Variants in HMMR observed in about 807,000 individuals in gnomAD.
The protein encoded by HMMR is hyaluronan mediated motility receptor.
In HMMR, 108 loss-of-function variants were observed where a neutral mutation model predicts 101.0. The ratio of observed to expected loss-of-function variants is 1.07; its 90% CI spans 0.92 to 1.25. The LOEUF is 1.25. Among genes scored for constraint, HMMR ranks in the 50% most tolerant of loss-of-function variants. The pLI is 0.00. For missense variants in HMMR, 813 were observed against 788.7 expected, an observed-to-expected ratio of 1.03 and a Z score of -0.37; for synonymous variants, 296 against 276.4, an observed-to-expected ratio of 1.07 and a Z score of -0.70.
rs779849432 is a variant in HMMR, at chr5:163,473,269, G to A, written c.725+16G>A. 2 of 1,512,284 alleles carry A rather than the reference G, an allele frequency of 1.3e-6. No homozygotes were observed. The highest frequency in any genetic ancestry group is 1.4e-5 in the African/African-American group (1 of 71,972). 93.7% of individuals were successfully genotyped at this position (1,512,284 alleles called of 1,614,324 possible). ...AAGAAATTAGGTAATATGAGCAGTA[G>A]CTTTAAATTGAACCTTATTTTTTTA... On this transcript the variant is annotated intron_variant, in intron 8 of 17. Transcript: ENST00000393915.
rs556404322 is a variant in HMMR, at chr5:163,475,502, G to A, written c.1098G>A (p.Glu366=). 3.1e-6 allele frequency: 5 copies of A among 1,608,570 alleles called. No homozygotes were observed. The highest frequency in any genetic ancestry group is 4.5e-5 in the East Asian group (2 of 44,644). Residue 366 remains glutamate, a synonymous_variant, in exon 11 of 18, where the codon GAG becomes GAA. Coordinates refer to ENST00000393915, the MANE Select transcript of HMMR (RefSeq NM_001142556.2). ...SLHQKLCSFQ[E]EMVKEKNLFE... The stretch of plus-strand genomic sequence containing the variant: ...ATCAGAAGCTCTGTTCTTTTCAAGA[G>A]GAAATGGTTAAAGAGAAGAATCTGT...
rs970569997 is a variant in HMMR at position 163,490,537 on chromosome 5, A to G, written c.2110A>G (p.Thr704Ala). Residue 704 changes from threonine to alanine, a missense_variant, in exon 17 of 18, where the codon ACC (threonine) becomes GCC (alanine). Physicochemically the swap from Thr to Ala is moderately conservative, Grantham distance 58 (BLOSUM62 0). Coordinates refer to ENST00000393915, the MANE Select transcript of HMMR (RefSeq NM_001142556.2). Reference protein sequence around the residue: ...HESKENFALKTPLKEGNTNCY... With the variant: ...HESKENFALKAPLKEGNTNCY... ...AAGTAAAGAAAATTTTGCCCTGAAG[A>G]CCCCATTAAAAGAAGGTAAGACATG... The G allele has an allele frequency of 1.9e-6, 3 of 1,597,824 alleles. No individual in the cohort carries two copies. Among genetic ancestry groups the G allele is most frequent in the East Asian group, 2.2e-5 (1 of 44,700 alleles).
chr5:163,466,345 G>C (rs975837827), intron 3 of HMMR, among the ~76,000 whole-genome samples: 4 of 152,154 alleles, frequency 2.6e-5, no homozygotes, highest in African/African-American at 9.7e-5. Context: ...TTGGAAAAAG[G>C]CTTAGGTTGT....
Position 163,473,546 on chromosome 5 carries a change from A to T in HMMR, c.893A>T (p.Glu298Val). 1 of 1,563,172 alleles carries T rather than the reference A, an allele frequency of 6.4e-7. No individual in the cohort carries two copies. The highest frequency in any genetic ancestry group is 8.7e-7 in the Non-Finnish European group (1 of 1,149,330). The change falls in exon 9 of 18, where the codon GAA becomes GTA. Residue 298 changes from glutamate (E) to valine (V), a missense_variant. Glu to Val is a moderately radical substitution (Grantham distance 121, BLOSUM62 -2). Coordinates refer to ENST00000393915, the MANE Select transcript of HMMR (RefSeq NM_001142556.2). Reference protein sequence around the residue: ...EDLNVKCQLLEKEKEDHVNRN... With the variant: ...EDLNVKCQLLVKEKEDHVNRN... Reference sequence around the variant, plus strand: ...CTAAATGTGAAATGTCAGCTGCTTGAAAAAGAAAAAGGTATTACAGTGTTT... The same window carrying T: ...CTAAATGTGAAATGTCAGCTGCTTGTAAAAGAAAAAGGTATTACAGTGTTT...
At chr5:163,477,313 C>A (rs1345929623) in intron 11 of HMMR, among the ~76,000 whole-genome samples, 1 of 152,030 alleles carries the variant, frequency 6.6e-6, no homozygotes, top group Non-Finnish European at 1.5e-5. Context: ...TATTTAAATC[C>A]TTGGGATCTG....
At chr5:163,473,096 A>G (rs1758947111) in intron 7 of HMMR, 83 bp from the exon 8 acceptor site, 4 of 699,370 alleles carry the variant, frequency 5.7e-6, no homozygotes, top group Non-Finnish European at 1.0e-5. Flanking sequence ...TGCCTGATAC[A>G]GGAGTATCTG....
rs750153605 is a variant in HMMR, at chr5:163,469,817, A to G, written c.450A>G (p.Leu150=). The G allele has an allele frequency of 4.4e-6, 7 of 1,588,336 alleles. No homozygotes were observed. In the Admixed American group the frequency reaches 1.1e-4, roughly 24 times the overall value. The part of the protein sequence containing the change: ...QLIELTRTNE[L]LKSKFSENGN... ...TTGAATTGACCAGGACTAATGAACT[A>G]CTAAAATCTAAGGTATCTGAGCCTC... Residue 150 remains leucine, a synonymous_variant, in exon 5 of 18, where the codon CTA becomes CTG. Transcript: ENST00000393915.
rs758725617 is a variant in HMMR, at chr5:163,478,727, G to T, written c.1312G>T (p.Ala438Ser). The T allele has an allele frequency of 6.2e-7, 1 of 1,613,484 alleles. No homozygotes were observed. Among genetic ancestry groups the T allele is most frequent in the African/African-American group, 1.3e-5 (1 of 75,012 alleles). The change falls in exon 12 of 18, where the codon GCC (alanine) becomes TCC (serine). Residue 438 changes from alanine (A) to serine (S), a missense_variant. Ala to Ser is a moderately conservative substitution (Grantham distance 99). Coordinates refer to ENST00000393915, the MANE Select transcript of HMMR (RefSeq NM_001142556.2). Reference sequence around the variant, plus strand: ...GAAAAGTAGTGCTGCTCATACCCAGGCCACCCTGCTTTTGCAGGAAAAGTA... The same window carrying T: ...GAAAAGTAGTGCTGCTCATACCCAGTCCACCCTGCTTTTGCAGGAAAAGTA... ...LEKSSAAHTQ[A>S]TLLLQEKYDS... is the part of the protein sequence containing the mutation.
Position 163,463,882 on chromosome 5 carries a change from G to A in HMMR, c.73G>A (p.Asp25Asn). Reference sequence around the variant, plus strand: ...TTGTGCACCATCTCCAGGTGCTTATGATGTTAAAACTTTAGAAGTATTGAA... The same window carrying A: ...TTGTGCACCATCTCCAGGTGCTTATAATGTTAAAACTTTAGAAGTATTGAA... ...SGCAPSPGAY[D>N]VKTLEVLKGP... The change falls in exon 2 of 18, where the codon GAT becomes AAT. Residue 25 changes from aspartate to asparagine, a missense_variant. Coordinates refer to ENST00000393915, the MANE Select transcript of HMMR (RefSeq NM_001142556.2). The A allele has an allele frequency of 6.7e-7, 1 of 1,482,710 alleles. No individual in the cohort carries two copies. Among genetic ancestry groups the A allele is most frequent in the South Asian group, 1.4e-5 (1 of 72,038 alleles). The allele number at this position is 1,482,710 out of a possible 1,614,324, so 91.8% of individuals were successfully genotyped here.
intron 17 of HMMR, 63 bp downstream of exon 17, chr5:163,490,615 G>A (rs2113530167): frequency 1.6e-6 from 2 of 1,231,126 alleles, no homozygotes; most frequent in South Asian, 1.3e-5. Context: ...ATAGCATTTA[G>A]CAAGTCATCC....
At chr5:163,478,887 C>T in intron 12 of HMMR, 87 bp downstream of exon 12, 2 of 753,582 alleles carry the variant, frequency 2.7e-6, no homozygotes, top group Non-Finnish European at 4.8e-6. Flanking sequence ...AAAGCAGTCA[C>T]ACAAAGGATG....
intron 17 of HMMR, 126 bp downstream of exon 17, chr5:163,490,678 C>T (rs187346590): frequency 1.4e-6 from 1 of 719,188 alleles, no homozygotes; most frequent in African/African-American, 1.8e-5. Context: ...GCAGTTCTTA[C>T]TGAGATTGTT....
intron 11 of HMMR, among the ~76,000 whole-genome samples, chr5:163,476,790 G>A (rs1174155207): frequency 6.6e-6 from 1 of 152,174 alleles, no homozygotes; most frequent in East Asian, 1.9e-4. Context: ...ACCACTTTGG[G>A]AAGCCAAGGC....
At chr5:163,485,234 G>A (rs1759437197) in intron 16 of HMMR, among the ~76,000 whole-genome samples, 1 of 152,064 alleles carries the variant, frequency 6.6e-6, no homozygotes, top group Admixed American at 6.5e-5. Context: ...CGTTCAGGGT[G>A]GTATGGCCAT....
At chr5:163,461,774 C>T (rs1758543370) in intron 1 of HMMR, among the ~76,000 whole-genome samples, 1 of 151,748 alleles carries the variant, frequency 6.6e-6, no homozygotes, top group Non-Finnish European at 1.5e-5. Context: ...CAGAGCAAGA[C>T]TCTGTCTTAC....
intron 10 of HMMR, chr5:163,474,648 T>C (rs1005446658): frequency 1.6e-5 from 7 of 448,164 alleles, no homozygotes; most frequent in African/African-American, 1.4e-4. Context: ...GGAGAAGTTC[T>C]GGCCTGTAAA....
At chr5:163,466,697 CTT>C (rs574136902) in intron 3 of HMMR, among the ~76,000 whole-genome samples, 1 of 152,004 alleles carries the variant, frequency 6.6e-6, no homozygotes, top group Non-Finnish European at 1.5e-5. Flanking sequence ...ACTTTAAAGA[CTT>C]AGTACAAAAA....
intron 3 of HMMR, among the ~76,000 whole-genome samples, chr5:163,465,489 C>G (rs1313437486): frequency 6.6e-6 from 1 of 152,154 alleles, no homozygotes; most frequent in Non-Finnish European, 1.5e-5. Flanking sequence ...CACGCCCCAC[C>G]ACGCCCAGTT....
rs77433028 is a variant in HMMR at position 163,490,159 on chromosome 5, T to C, written c.1963-231T>C. Among the ~76,000 whole-genome samples the C allele has an allele frequency of 5.1e-3, 770 of 152,230 alleles. 4 individuals are homozygous for C. The highest frequency in any genetic ancestry group is 0.018 in the African/African-American group (730 of 41,542). ...TTGAGTTGAACTTTTATCAGAAAAA[T>C]AGCTTTGTAGCTGAGGAGGGGCAAG... On this transcript the variant is annotated intron_variant, in intron 16 of 17. Coordinates refer to ENST00000393915, the MANE Select transcript of HMMR (RefSeq NM_001142556.2).
Sources: gnomAD v4.1 joint callset for allele counts (sites outside exome capture counted in the v4.1 genomes callset) on GRCh38, gnomAD v4.1.1 for gene constraint, MANE v1.5 for transcripts, NCBI Gene and HGNC (gene_info 2026-07-23, HGNC 2026-07-21) for gene names.